Variants in TMEM165 observed in about 807,000 individuals in gnomAD.
TMEM165 encodes the protein transmembrane protein 165, also known as putative divalent cation/proton antiporter TMEM165.
A neutral mutation model predicts 30.0 loss-of-function variants in TMEM165; 19 were observed. The observed-to-expected ratio is 0.63, with a 90% CI of 0.44 to 0.93. The LOEUF is 0.93. Ranked by LOEUF, TMEM165 falls within the 40% of genes least tolerant of loss-of-function variation. TMEM165 has a pLI of 0.00. For synonymous variants in TMEM165, 168 were observed against 162.9 expected (o/e 1.03, Z -0.24); for missense variants, 340 against 417.0 (o/e 0.82, Z 1.61).
At chr4:55,427,207 G>GTATT (rs1275179349), downstream of TMEM165, among the ~76,000 whole-genome samples, 13 of 147,450 alleles carry the variant, frequency 8.8e-5, no homozygotes, top group South Asian at 2.0e-3. Context: ...CTAATTTTTT[G>GTATT]TATTTTTAGT....
At chr4:55,421,160 C>A (rs1323213883) in intron 4 of TMEM165, among the ~76,000 whole-genome samples, 6 of 86,928 alleles carry the variant, frequency 6.9e-5, no homozygotes, top group Non-Finnish European at 1.0e-4. Context: ...GAGCTAGATT[C>A]CATCTCAAAA....
At chr4:55,404,711 TATAGGC>T (rs1488168625) in intron 1 of TMEM165, among the ~76,000 whole-genome samples, 1 of 152,202 alleles carries the variant, frequency 6.6e-6, no homozygotes, top group Non-Finnish European at 1.5e-5. Flanking sequence ...GTGCTGGGAT[TATAGGC>T]ATGAGCCACC....
intron 4 of TMEM165, among the ~76,000 whole-genome samples, chr4:55,419,950 G>A (rs989394788): frequency 6.6e-6 from 1 of 150,756 alleles, no homozygotes. Context: ...ACTTTAATTA[G>A]CTGGGCGTGG....
chr4:55,435,438 G>A, intron 3 of TMEM165: 1 of 1,614,006 alleles, frequency 6.2e-7, no homozygotes, highest in South Asian at 1.1e-5. Flanking sequence ...ACCTTGGAAG[G>A]GTCGGGCAAG....
Position 55,446,104 on chromosome 4 carries a change from T to TC in TMEM165, c.409-6135_409-6134insC, listed in dbSNP as rs66984061. ...TTACTGGAAAAAAATTTAACTTCTT[T>TC]TTTTTTTTTTTTTTTTTGAGACAGA... On this transcript the variant is annotated intron_variant, in intron 3 of 3. Coordinates refer to the TMEM165 transcript ENST00000608091. Among the ~76,000 whole-genome samples the TC allele has an allele frequency of 8.8e-5, 3 of 33,910 alleles. No homozygotes were observed. The East Asian group carries it at 4.6e-3, about 52-fold the overall frequency. The allele number at this position is 33,910 out of a possible 152,430, so 22.2% of individuals were successfully genotyped here.
At chr4:55,453,058 T>A in exon 4 of TMEM165, 1 of 1,607,240 alleles carries the variant, frequency 6.2e-7, no homozygotes. Flanking sequence ...ACATACTTTG[T>A]CAGCAGCTGT....
chr4:55,420,610 ATATT>A (rs1355268495), intron 4 of TMEM165, among the ~76,000 whole-genome samples: 4 of 152,242 alleles, frequency 2.6e-5, no homozygotes, highest in East Asian at 1.9e-4. Flanking sequence ...CCCTGCGGGG[ATATT>A]TAATGAGCTC....
At chr4:55,422,127 A>G (rs1048578964) in intron 4 of TMEM165, among the ~76,000 whole-genome samples, 1 of 152,188 alleles carries the variant, frequency 6.6e-6, no homozygotes, top group Non-Finnish European at 1.5e-5. Flanking sequence ...TGGTCCTTAC[A>G]GGAGGTGATT....
intron 1 of TMEM165, among the ~76,000 whole-genome samples, chr4:55,397,978 A>G (rs1720802056): frequency 6.6e-6 from 1 of 152,112 alleles, no homozygotes; most frequent in South Asian, 2.1e-4. Context: ...CCTGGGCTCA[A>G]GCGCTTCTCC....
In TMEM165 at chr4:55,395,983, G is replaced by A. The variant is rs1720701340; in HGVS notation, c.-207G>A. On this transcript the variant is annotated 5_prime_UTR_variant, in exon 1 of 6. Coordinates refer to ENST00000381334, the MANE Select transcript of TMEM165 (RefSeq NM_018475.5). ...ACTCCAGTTTAGCCGCCGCCGGAGA[G>A]GACGGGCGCCGAGCCGGGGCTGCGG... is the stretch of plus-strand genomic sequence containing the variant. The A allele has an allele frequency of 1.0e-5, 4 of 390,564 alleles. No individual in the cohort carries two copies. The highest frequency in any genetic ancestry group is 1.8e-5 in the Non-Finnish European group (4 of 225,932). 24.2% of individuals were successfully genotyped at this position (390,564 alleles called of 1,614,324 possible). A position where few individuals can be genotyped will look rare whatever the true frequency, so the allele number is the denominator to read the frequency against.
At chr4:55,423,792 C>T (rs1205827031) in intron 4 of TMEM165, 1 of 152,342 alleles carries the variant, frequency 6.6e-6, no homozygotes, top group Non-Finnish European at 1.5e-5. Context: ...TCTGAGGACA[C>T]AGTTTAAACT....
At chr4:55,427,080 C>T (rs1156468244), downstream of TMEM165, among the ~76,000 whole-genome samples, 1 of 148,242 alleles carries the variant, frequency 6.7e-6, no homozygotes, top group Non-Finnish European at 1.5e-5. Flanking sequence ...GTCGCCCAGG[C>T]TGGAGTGCAG....
chr4:55,438,913 T>C (rs1472052936), intron 3 of TMEM165, among the ~76,000 whole-genome samples: 4 of 152,200 alleles, frequency 2.6e-5, no homozygotes, highest in African/African-American at 7.2e-5. Context: ...CTTCATGACA[T>C]TGGATTTAGC....
At chr4:55,407,808 T>C in intron 1 of TMEM165, among the ~76,000 whole-genome samples, 1 of 152,258 alleles carries the variant, frequency 6.6e-6, no homozygotes, top group South Asian at 2.1e-4. Context: ...TTTGTGGCAC[T>C]ACAAAAACTA....
intron 3 of TMEM165, chr4:55,449,395 C>T (rs1357888874): frequency 6.2e-7 from 1 of 1,611,688 alleles, no homozygotes; most frequent in Non-Finnish European, 8.5e-7. Context: ...AAAGAGCTTA[C>T]CTGACTACTA....
intron 3 of TMEM165, chr4:55,417,587 T>C (rs1052336389): frequency 8.7e-6 from 5 of 575,420 alleles, no homozygotes; most frequent in African/African-American, 5.7e-5. Context: ...AAATACTGTT[T>C]GGTTTGTTCA....
intron 4 of TMEM165, among the ~76,000 whole-genome samples, chr4:55,419,954 G>A (rs748427518): frequency 1.3e-4 from 19 of 150,864 alleles, no homozygotes; most frequent in Admixed American, 4.0e-4. Flanking sequence ...TAATTAGCTG[G>A]GCGTGGTAGC....
At chr4:55,442,303 T>G in intron 3 of TMEM165, 2 of 800,348 alleles carry the variant, frequency 2.5e-6, no homozygotes, top group South Asian at 3.2e-5. Context: ...TATTTCAAAT[T>G]TAAGAACATT....
In TMEM165 at chr4:55,425,467, A is replaced by G. The variant is rs774742030; in HGVS notation, c.*15A>G. 2 of 1,592,930 alleles carry G rather than the reference A, an allele frequency of 1.3e-6. No homozygotes were observed. The highest frequency in any genetic ancestry group is 4.5e-5 in the East Asian group (2 of 44,732). On this transcript the variant is annotated 3_prime_UTR_variant, in exon 6 of 6. Coordinates refer to ENST00000381334, the MANE Select transcript of TMEM165 (RefSeq NM_018475.5). ...CTGGTTTTTAACAAGCTGTTTGTTC[A>G]TCTATATTTAGTTTAAAATAGGTAG... is the stretch of plus-strand genomic sequence containing the variant.
Sources: gnomAD v4.1 joint callset for allele counts (sites outside exome capture counted in the v4.1 genomes callset) on GRCh38, gnomAD v4.1.1 for gene constraint, MANE v1.5 for transcripts, NCBI Gene and HGNC (gene_info 2026-07-23, HGNC 2026-07-21) for gene names.